The following BIRC6 variants were observed in gnomAD, a reference collection of about 807,000 sequenced individuals.
The protein encoded by BIRC6 is baculoviral IAP repeat containing 6.
A neutral mutation model predicts 503.3 loss-of-function variants in BIRC6; 98 were observed. The observed-to-expected ratio is 0.19, with a 90% confidence interval of 0.17 to 0.23. The LOEUF (loss-of-function observed/expected upper bound fraction) is 0.23, where lower values mean the gene tolerates loss of function less well. Among genes scored for constraint, BIRC6 ranks in the 10% least tolerant of loss-of-function variants. The pLI, the probability that BIRC6 is intolerant of heterozygous loss-of-function variation, is 1.00. For synonymous variants in BIRC6, 2,240 were observed against 2,078.7 expected (o/e 1.08, Z -2.11); for missense variants, 5,360 against 5,806.0 (o/e 0.92, Z 2.50).
At chr2:32,477,312 G>T (rs1474335499) in intron 34 of BIRC6, 56 bp from the exon 35 acceptor site, 10 of 1,556,568 alleles carry the variant, frequency 6.4e-6, no homozygotes, top group Non-Finnish European at 7.8e-6. Context: ...AATCTATACT[G>T]AAAAAATTTT....
At chr2:32,594,697 CAGAT>C (rs951455454) in intron 67 of BIRC6, among the ~76,000 whole-genome samples, 4 of 130,034 alleles carry the variant, frequency 3.1e-5, no homozygotes, top group African/African-American at 8.9e-5. Flanking sequence ...ACTCTGTTTC[CAGAT>C]AGATGGATGG....
chr2:32,555,654 T>C (rs1284024261), intron 65 of BIRC6, among the ~76,000 whole-genome samples: 1 of 150,214 alleles, frequency 6.7e-6, no homozygotes, highest in Non-Finnish European at 1.5e-5. Context: ...AAAAATAAAA[T>C]AATCTATCAG....
intron 3 of BIRC6, among the ~76,000 whole-genome samples, chr2:32,383,392 A>G (rs1156299678): frequency 6.6e-6 from 1 of 152,194 alleles, no homozygotes; most frequent in Non-Finnish European, 1.5e-5. Flanking sequence ...ATAGTCAAGA[A>G]GATATCTAAT....
In BIRC6 at chr2:32,441,457, G is replaced by A. The variant is rs188870924; in HGVS notation, c.3939G>A (p.Lys1313=). The A allele has an allele frequency of 4.1e-5, 66 of 1,608,302 alleles. No homozygotes were observed. The highest frequency in any genetic ancestry group is 5.4e-5 in the Non-Finnish European group (64 of 1,176,238). Residue 1313 remains lysine (K), a synonymous_variant, in exon 17 of 74, where the codon AAG becomes AAA. Coordinates refer to ENST00000421745, the MANE Select transcript of BIRC6 (RefSeq NM_016252.4). ...IRRFKKTSIS[K]ERVQRCAMLQ... is the part of the protein sequence containing the mutation. The stretch of plus-strand genomic sequence containing the variant: ...GATTTAAGAAAACCTCAATTTCTAA[G>A]GAAAGGTAATTTCATTGCATTATCT...
chr2:32,458,614 C>CAT (rs1238821311), intron 23 of BIRC6, among the ~76,000 whole-genome samples: 166 of 147,864 alleles, frequency 1.1e-3, no homozygotes, highest in African/African-American at 3.8e-3. Flanking sequence ...GTAAGTATCT[C>CAT]ATATATATAT....
At chr2:32,507,922 A>C in intron 50 of BIRC6, 58 bp from the exon 51 acceptor site, 1 of 1,473,386 alleles carries the variant, frequency 6.8e-7, no homozygotes, top group Non-Finnish European at 9.1e-7. Context: ...GATTTTAATA[A>C]ACTGTTCAAT....
chr2:32,381,045 C>T (rs945370313), intron 3 of BIRC6, among the ~76,000 whole-genome samples: 1 of 152,094 alleles, frequency 6.6e-6, no homozygotes, highest in Non-Finnish European at 1.5e-5. Context: ...TATTAATTTC[C>T]TCCAGATTTT....
chr2:32,370,931 G>GT (rs1378025259), intron 1 of BIRC6, among the ~76,000 whole-genome samples: 1 of 152,090 alleles, frequency 6.6e-6, no homozygotes, highest in Non-Finnish European at 1.5e-5. Context: ...ATTTTTGCAA[G>GT]TTTTTTAGGG....
At chr2:32,394,248 A>G (rs1289664330) in intron 5 of BIRC6, among the ~76,000 whole-genome samples, 1 of 151,466 alleles carries the variant, frequency 6.6e-6, no homozygotes, top group Non-Finnish European at 1.5e-5. Context: ...CTCTGATTCT[A>G]GGAAATGTTA....
At chr2:32,434,485 C>T (rs936612546) in intron 13 of BIRC6, among the ~76,000 whole-genome samples, 1 of 151,790 alleles carries the variant, frequency 6.6e-6, no homozygotes. Context: ...AACAACCAAT[C>T]GTGGATTGAA....
At chr2:32,525,829 A>G (rs1048813445) in intron 59 of BIRC6, among the ~76,000 whole-genome samples, 2 of 152,172 alleles carry the variant, frequency 1.3e-5, no homozygotes, top group African/African-American at 2.4e-5. Flanking sequence ...TTTTAACACT[A>G]TCAAGTTATT....
chr2:32,498,083 GTGTT>G (rs1483720658), intron 45 of BIRC6, among the ~76,000 whole-genome samples: 3 of 152,038 alleles, frequency 2.0e-5, no homozygotes, highest in African/African-American at 4.8e-5. Flanking sequence ...TTTTGAGACA[GTGTT>G]TGTTTGCTCT....
intron 71 of BIRC6, 49 bp from the exon 72 acceptor site, chr2:32,607,397 TCAGTTAACC>T: frequency 8.4e-7 from 1 of 1,196,712 alleles, no homozygotes; most frequent in Non-Finnish European, 1.1e-6. Context: ...AAGCAGGATA[TCAGTTAACC>T]CACAGTAAAA....
Position 32,595,042 on chromosome 2 carries a change from C to A in BIRC6, c.13510C>A (p.Leu4504Met). The A allele has an allele frequency of 6.4e-7, 1 of 1,572,988 alleles. No homozygotes were observed. Among genetic ancestry groups the A allele is most frequent in the Non-Finnish European group, 8.6e-7 (1 of 1,162,994 alleles). The change falls in exon 68 of 74, where the codon CTG becomes ATG. Residue 4504 changes from leucine to methionine, a missense_variant. Leu to Met is a conservative substitution (Grantham distance 15, BLOSUM62 2). Around this residue, in one of 16 missense-constraint regions of BIRC6, gnomAD observed 477 missense variants for 574.4 expected, o/e 0.83. Transcript: ENST00000421745. ...SLRQANQEKK[L>M]GEYSKKAAMK... is the part of the protein sequence containing the mutation. Reference sequence around the variant, plus strand: ...GAAATATTAAATAACAGAAAAAAAACTGGGTGAATACTCCAAGAAGGCGGC... The same window carrying A: ...GAAATATTAAATAACAGAAAAAAAAATGGGTGAATACTCCAAGAAGGCGGC...
chr2:32,450,418 C>T (rs947402760), intron 22 of BIRC6, among the ~76,000 whole-genome samples: 10 of 151,900 alleles, frequency 6.6e-5, no homozygotes, highest in Non-Finnish European at 1.3e-4. Context: ...GCTGAGATAG[C>T]GTCACTGCAC....
At chr2:32,396,980 A>C (rs565892741) in intron 6 of BIRC6, among the ~76,000 whole-genome samples, 2 of 152,194 alleles carry the variant, frequency 1.3e-5, no homozygotes, top group South Asian at 4.1e-4. Context: ...CACCCACCTC[A>C]GCCTTCCGAA....
chr2:32,441,948 TA>T (rs1459254701), intron 17 of BIRC6, 116 bp from the exon 18 acceptor site: 5 of 750,436 alleles, frequency 6.7e-6, no homozygotes, highest in Non-Finnish European at 9.8e-6. Flanking sequence ...TGATTGTTTT[TA>T]AATGTACTTG....
intron 35 of BIRC6, 55 bp downstream of exon 35, chr2:32,477,638 C>A: frequency 7.2e-7 from 1 of 1,390,078 alleles, no homozygotes; most frequent in Non-Finnish European, 1.0e-6. Flanking sequence ...GTGGCTCATG[C>A]CTGTAATCCC....
chr2:32,518,763 C>T (rs2149763727), intron 56 of BIRC6, 54 bp from the exon 57 acceptor site: 1 of 1,557,780 alleles, frequency 6.4e-7, no homozygotes, highest in South Asian at 1.1e-5. Flanking sequence ...TATTTTATAA[C>T]AATATGTATT....
Sources: gnomAD v4.1 joint callset for allele counts (sites outside exome capture counted in the v4.1 genomes callset) on GRCh38, gnomAD v4.1.1 for gene constraint, gnomAD v4.1.1 regional missense constraint, MANE v1.5 for transcripts, NCBI Gene and HGNC (gene_info 2026-07-23, HGNC 2026-07-21) for gene names.